Variants in PIEZO2 observed in about 807,000 individuals in gnomAD.
The protein encoded by PIEZO2 is piezo-type mechanosensitive ion channel component 2.
In PIEZO2, 172 loss-of-function variants were observed where a neutral mutation model predicts 337.3. The observed-to-expected ratio is 0.51, with a 90% CI of 0.45 to 0.58. The LOEUF (loss-of-function observed/expected upper bound fraction) is 0.58. Among genes scored for constraint, PIEZO2 ranks in the 20% least tolerant of loss-of-function variants. The pLI, the probability that PIEZO2 is intolerant of heterozygous loss-of-function variation, is 0.00. For missense variants in PIEZO2, 3,028 were observed against 3,391.3 expected (o/e 0.89, Z 2.66); for synonymous variants, 1,251 against 1,228.5 (o/e 1.02, Z -0.38).
intron 45 of PIEZO2, among the ~76,000 whole-genome samples, chr18:10,696,779 T>G (rs997340828): frequency 1.3e-5 from 2 of 152,190 alleles, no homozygotes; most frequent in Non-Finnish European, 2.9e-5. Context: ...ACCACAGCCC[T>G]CTCCTCTTGC....
chr18:10,785,834 T>A (rs1284664615), intron 16 of PIEZO2, among the ~76,000 whole-genome samples: 1 of 152,142 alleles, frequency 6.6e-6, no homozygotes, highest in East Asian at 1.9e-4. Flanking sequence ...TCGCTTTTTC[T>A]CAGCTAGTCA....
intron 44 of PIEZO2, 119 bp from the exon 45 acceptor site, chr18:10,697,999 G>A (rs1365120102): frequency 2.7e-5 from 8 of 292,324 alleles, no homozygotes; most frequent in Non-Finnish European, 4.0e-5. Context: ...CTGTTTGGGA[G>A]GATGAGTATG....
intron 3 of PIEZO2, among the ~76,000 whole-genome samples, chr18:10,927,038 C>T (rs961115865): frequency 1.3e-5 from 2 of 152,286 alleles, no homozygotes; most frequent in Middle Eastern, 3.4e-3. Flanking sequence ...TTAGTGGCCA[C>T]AAGGACCAAG....
At chr18:10,768,075 A>T (rs981285507) in intron 21 of PIEZO2, among the ~76,000 whole-genome samples, 13 of 152,286 alleles carry the variant, frequency 8.5e-5, no homozygotes, top group African/African-American at 1.2e-4. Context: ...GGATTTTTTT[A>T]AAAAAGGACT....
At chr18:10,889,560 C>T (rs1351011367) in intron 4 of PIEZO2, among the ~76,000 whole-genome samples, 1 of 152,146 alleles carries the variant, frequency 6.6e-6, no homozygotes, top group Non-Finnish European at 1.5e-5. Context: ...CTCATAGGTG[C>T]TGGGTTGTTC....
chr18:10,832,215 T>G (rs1378888502), intron 7 of PIEZO2, among the ~76,000 whole-genome samples: 1 of 152,080 alleles, frequency 6.6e-6, no homozygotes, highest in East Asian at 1.9e-4. Context: ...CACTCCAGCC[T>G]GGGTGACAGA....
At chr18:10,736,806 C>T in intron 33 of PIEZO2, 96 bp from the exon 34 acceptor site, 1 of 1,321,834 alleles carries the variant, frequency 7.6e-7, no homozygotes, top group Non-Finnish European at 1.0e-6. Flanking sequence ...ACAAATTGTC[C>T]ATAAGAGAAC....
chr18:11,025,222 T>C (rs190648625), intron 2 of PIEZO2, among the ~76,000 whole-genome samples: 1 of 152,158 alleles, frequency 6.6e-6, no homozygotes, highest in South Asian at 2.1e-4. Flanking sequence ...AATAGCCACT[T>C]CATTTGGGGT....
chr18:10,907,090 G>A (rs1266968983), intron 4 of PIEZO2, among the ~76,000 whole-genome samples: 3 of 152,130 alleles, frequency 2.0e-5, no homozygotes, highest in African/African-American at 7.2e-5. Context: ...TGAAAGAACT[G>A]AAGAATTTAG....
chr18:10,884,245 A>G (rs2144874439), intron 4 of PIEZO2, among the ~76,000 whole-genome samples: 1 of 152,286 alleles, frequency 6.6e-6, no homozygotes, highest in South Asian at 2.1e-4. Flanking sequence ...CCTTCCTTTT[A>G]TGGCTGAATA....
At chr18:10,922,814 CT>C (rs2031508261) in intron 3 of PIEZO2, among the ~76,000 whole-genome samples, 1 of 152,104 alleles carries the variant, frequency 6.6e-6, no homozygotes, top group Non-Finnish European at 1.5e-5. Context: ...ATAGATTATA[CT>C]TTTCAAAGAA....
At chr18:11,013,549 A>G (rs1314455286) in intron 2 of PIEZO2, among the ~76,000 whole-genome samples, 1 of 152,234 alleles carries the variant, frequency 6.6e-6, no homozygotes, top group Non-Finnish European at 1.5e-5. Flanking sequence ...TATCAACTCA[A>G]ATAACTAATT....
intron 7 of PIEZO2, among the ~76,000 whole-genome samples, chr18:10,843,361 T>C (rs34263409): frequency 0.1 from 15,357 of 152,154 alleles, 983 homozygotes; most frequent in Admixed American, 0.17. Flanking sequence ...GTAATTGTTT[T>C]ATTTCAGAAT....
At position 10,929,553 on chromosome 18, in the gene PIEZO2, C is replaced by T. The variant is rs574995053; in HGVS notation, c.287-18325G>A. Reference sequence around the variant, plus strand: ...ATTTCAAAAAAGGAGTAGAAAATCACATCCACAGCCTTTGAGGGGCTGAGA... The same window carrying T: ...ATTTCAAAAAAGGAGTAGAAAATCATATCCACAGCCTTTGAGGGGCTGAGA... On this transcript the variant is annotated intron_variant, in intron 3 of 55. Coordinates refer to ENST00000674853, the MANE Select transcript of PIEZO2 (RefSeq NM_001378183.1). This position sits in a 1 kb window ranked among gnomAD's most constrained non-coding sequence, Gnocchi z 5.6. 1.3e-4 allele frequency among the ~76,000 whole-genome samples: 20 copies of T among 152,312 alleles called. No individual in the cohort carries two copies. In the South Asian group the frequency reaches 4.1e-3, roughly 32 times the overall value.
At chr18:11,057,198 C>T (rs1003869613) in intron 2 of PIEZO2, among the ~76,000 whole-genome samples, 2 of 152,148 alleles carry the variant, frequency 1.3e-5, no homozygotes, top group Non-Finnish European at 2.9e-5. Flanking sequence ...CCCTTTGGCT[C>T]CCCCCAGCCT....
rs139072081 is a variant in PIEZO2, at chr18:10,895,187, T to G, written c.329+15999A>C. On this transcript the variant is annotated intron_variant, in intron 4 of 55. Coordinates refer to ENST00000674853, the MANE Select transcript of PIEZO2 (RefSeq NM_001378183.1). This position sits in a 1 kb window ranked among gnomAD's most constrained non-coding sequence, Gnocchi z 4.8. ...ATGGCCGAGCATGGTGGCTCATGCC[T>G]GTAATCCCAGCATTTTGGGAGGCCA... Among the ~76,000 whole-genome samples, 18 of 152,336 alleles carry G rather than the reference T, an allele frequency of 1.2e-4. No homozygotes were observed. The highest frequency in any genetic ancestry group is 4.3e-4 in the African/African-American group (18 of 41,584).
chr18:10,868,134 C>A (rs59908821), intron 5 of PIEZO2, among the ~76,000 whole-genome samples: 2 of 152,046 alleles, frequency 1.3e-5, no homozygotes, highest in African/African-American at 2.4e-5. Context: ...GTCTTCCCCA[C>A]GGATTAGTTG....
intron 4 of PIEZO2, among the ~76,000 whole-genome samples, chr18:10,884,477 A>G (rs1051586694): frequency 6.6e-6 from 1 of 152,182 alleles, no homozygotes; most frequent in Non-Finnish European, 1.5e-5. Context: ...ACAAAGGGGA[A>G]AATTCCACCA....
rs143631254 is a variant in PIEZO2 at position 10,797,131 on chromosome 18, A to G, written c.1527+243T>C. On this transcript the variant is annotated intron_variant, in intron 12 of 55. Transcript: ENST00000674853. ...ACCATCATATTATACATACCATCAT[A>G]GCACACATACCATCATATCATATTA... 2.8e-3 allele frequency among the ~76,000 whole-genome samples: 416 copies of G among 151,028 alleles called. 4 individuals carry two copies. The highest frequency in any genetic ancestry group is 0.01 in the African/African-American group (407 of 40,518).
Sources: gnomAD v4.1 joint callset for allele counts (sites outside exome capture counted in the v4.1 genomes callset) on GRCh38, gnomAD v4.1.1 for gene constraint, Gnocchi (gnomAD v3.1) non-coding constraint, MANE v1.5 for transcripts, NCBI Gene and HGNC (gene_info 2026-07-23, HGNC 2026-07-21) for gene names.